Variants in SBF2 observed in about 807,000 individuals in gnomAD.
SBF2 encodes the protein myotubularin-related protein 13.
A neutral mutation model predicts 225.2 loss-of-function variants in SBF2; 112 were observed. The observed-to-expected ratio is 0.50, with a 90% CI of 0.43 to 0.58. SBF2 has a LOEUF of 0.58. Ranked by LOEUF, SBF2 falls within the 20% of genes least tolerant of loss-of-function variation. The probability of loss-of-function intolerance (pLI) is 0.00; values close to 1 mark genes in which losing one functional copy is unlikely to be tolerated. For synonymous variants in SBF2, 763 were observed against 773.3 expected (o/e 0.99, Z 0.22); for missense variants, 1,996 against 2,206.2 (o/e 0.90, Z 1.91).
intron 29 of SBF2, among the ~76,000 whole-genome samples, chr11:9,815,281 TAA>T (rs35464212): frequency 0.29 from 12,490 of 42,738 alleles, 959 homozygotes; most frequent in Non-Finnish European, 0.35. Context: ...CTACTAAAAC[TAA>T]AAAAAAAAAA....
intron 1 of SBF2, among the ~76,000 whole-genome samples, chr11:10,300,297 G>A (rs547558274): frequency 2.1e-4 from 32 of 152,098 alleles, no homozygotes; most frequent in African/African-American, 7.5e-4. Context: ...CACAGTGCTG[G>A]GTATATAATA....
chr11:9,794,676 CAA>C (rs575749593), intron 33 of SBF2, among the ~76,000 whole-genome samples: 3 of 35,350 alleles, frequency 8.5e-5, no homozygotes, highest in African/African-American at 3.2e-4. Flanking sequence ...GACTCCGTCT[CAA>C]AAAAAAAAAA....
chr11:10,197,174 A>AT (rs1957406136), intron 1 of SBF2, among the ~76,000 whole-genome samples: 1 of 152,088 alleles, frequency 6.6e-6, no homozygotes, highest in Non-Finnish European at 1.5e-5. Context: ...ATTGGTGTGT[A>AT]TCCCTTATAA....
In SBF2 at chr11:9,989,575, C is replaced by G; in HGVS notation, c.1317G>C (p.Glu439Asp). Reference protein sequence around the residue: ...LFDELVAFEVERIKVEENNPV... With the variant: ...LFDELVAFEVDRIKVEENNPV... ...GGTTATTTTCTTCAACTTTAATTCT[C>G]TCTACTTCAAAGGCTACCAACTAGG... is the stretch of plus-strand genomic sequence containing the variant. Residue 439 changes from glutamate to aspartate, a missense_variant, in exon 13 of 40, where the codon GAG (glutamate) becomes GAC (aspartate). Physicochemically the swap from Glu to Asp is conservative, Grantham distance 45 (BLOSUM62 2). Transcript: ENST00000256190. 6.2e-7 allele frequency: 1 copy of G among 1,605,922 alleles called. No homozygotes were observed. Among genetic ancestry groups the G allele is most frequent in the South Asian group, 1.1e-5 (1 of 90,462 alleles).
chr11:9,956,887 T>A (rs946690460), intron 16 of SBF2: 1 of 152,220 alleles, frequency 6.6e-6, no homozygotes, highest in African/African-American at 2.4e-5. Flanking sequence ...AAATTTCAAG[T>A]GTTTTGACTC....
intron 17 of SBF2, among the ~76,000 whole-genome samples, chr11:9,879,497 C>T (rs1859556856): frequency 6.6e-6 from 1 of 152,136 alleles, no homozygotes; most frequent in South Asian, 2.1e-4. Context: ...GTGGAGGATG[C>T]TGACATGCAT....
chr11:10,140,913 T>C (rs908013213), intron 2 of SBF2, among the ~76,000 whole-genome samples: 3 of 152,108 alleles, frequency 2.0e-5, no homozygotes, highest in African/African-American at 4.8e-5. Context: ...ATTTTAAGTA[T>C]AGGAAAACAG....
chr11:9,862,088 T>C (rs1857799234), intron 17 of SBF2, among the ~76,000 whole-genome samples: 1 of 152,216 alleles, frequency 6.6e-6, no homozygotes, highest in Admixed American at 6.5e-5. Context: ...GCAGTAGTCT[T>C]AGTAAACAGA....
At chr11:9,967,911 A>ATCTGTCTGTCTG (rs1201842155) in intron 14 of SBF2, among the ~76,000 whole-genome samples, 7 of 139,754 alleles carry the variant, frequency 5.0e-5, no homozygotes, top group South Asian at 2.3e-4. Context: ...GTGAAACTCA[A>ATCTGTCTGTCTG]TCTGTCTGTC....
chr11:10,204,556 G>A lies in SBF2; in HGVS notation c.56-10569C>T, dbSNP rs187593264. ...CAGGAGGCTGAGGCAGGAGAATGGCGTGGAGGCAGGAGAATGGCGTGAACC... is the reference window on the plus strand; with the variant it reads ...CAGGAGGCTGAGGCAGGAGAATGGCATGGAGGCAGGAGAATGGCGTGAACC... On this transcript the variant is annotated intron_variant, in intron 1 of 39. Transcript: ENST00000256190. 2.9e-3 allele frequency among the ~76,000 whole-genome samples: 234 copies of A among 81,734 alleles called. 3 individuals are homozygous for A. Among genetic ancestry groups the A allele is most frequent in the African/African-American group, 0.01 (215 of 20,602 alleles). The allele number at this position is 81,734 out of a possible 152,430, so 53.6% of individuals were successfully genotyped here.
At chr11:10,218,595 G>A (rs1276374608) in intron 1 of SBF2, among the ~76,000 whole-genome samples, 3 of 151,996 alleles carry the variant, frequency 2.0e-5, no homozygotes, top group East Asian at 3.9e-4. Context: ...TTCCACCTAC[G>A]AGCCTGTAAA....
At chr11:10,073,652 G>A (rs553253367) in intron 2 of SBF2, among the ~76,000 whole-genome samples, 2 of 152,186 alleles carry the variant, frequency 1.3e-5, no homozygotes, top group African/African-American at 2.4e-5. Context: ...GGGAGGCAGA[G>A]GTTGCAGTGA....
chr11:10,173,506 T>A (rs901994957), intron 2 of SBF2, among the ~76,000 whole-genome samples: 63 of 152,012 alleles, frequency 4.1e-4, no homozygotes, highest in Non-Finnish European at 7.8e-4. Context: ...GCTGGGAGGG[T>A]CCTACGCCCA....
intron 16 of SBF2, chr11:9,958,862 T>C: frequency 1.5e-6 from 1 of 658,646 alleles, no homozygotes; most frequent in Non-Finnish European, 2.9e-6. Flanking sequence ...ACCCTTCTTC[T>C]CCTGGCCAAC....
intron 17 of SBF2, among the ~76,000 whole-genome samples, chr11:9,880,824 T>A (rs1194233351): frequency 6.6e-6 from 1 of 152,240 alleles, no homozygotes; most frequent in Admixed American, 6.5e-5. Flanking sequence ...GGATTGCAGC[T>A]ATCCTAGAAG....
chr11:10,108,515 CTTTTTT>C lies in SBF2; in HGVS notation c.142-65540_142-65535del, dbSNP rs34189666. Among the ~76,000 whole-genome samples, 97 of 83,456 alleles carry C rather than the reference CTTTTTT, an allele frequency of 1.2e-3. 1 individual carries two copies. Among genetic ancestry groups the C allele is most frequent in the African/African-American group, 4.4e-3 (91 of 20,822 alleles). 54.8% of individuals were successfully genotyped at this position (83,456 alleles called of 152,430 possible). A position where few individuals can be genotyped will look rare whatever the true frequency, so the allele number is the denominator to read the frequency against. On this transcript the variant is annotated intron_variant, in intron 2 of 39. Transcript: ENST00000256190. ...TGCAAAAACAAACAGTAATAGTTAA[CTTTTTT>C]TTTTTTTTTTTTTTTTTTTTTGAGA...
At chr11:10,211,258 T>G (rs1161456635) in intron 1 of SBF2, among the ~76,000 whole-genome samples, 1 of 152,100 alleles carries the variant, frequency 6.6e-6, no homozygotes, top group Non-Finnish European at 1.5e-5. Flanking sequence ...ACTGTGATTC[T>G]CCTGTCAGAG....
In SBF2 at chr11:10,002,545, T is replaced by C. The variant is rs915880421; in HGVS notation, c.752+12A>G. ...TTTAGGAATAAATAAAATTAACAAA[T>C]GAAAACCTCACCTATATTTAAGAGG... is the stretch of plus-strand genomic sequence containing the variant. On this transcript the variant is annotated intron_variant, in intron 7 of 39. Coordinates refer to ENST00000256190, the MANE Select transcript of SBF2 (RefSeq NM_030962.4). 1 of 1,601,776 alleles carries C rather than the reference T, an allele frequency of 6.2e-7. No homozygotes were observed. The highest frequency in any genetic ancestry group is 1.3e-5 in the African/African-American group (1 of 74,688).
intron 16 of SBF2, among the ~76,000 whole-genome samples, chr11:9,916,829 C>T (rs1863137803): frequency 6.6e-6 from 1 of 152,110 alleles, no homozygotes. Context: ...AAGTGATCCT[C>T]TTGCCTCAGC....
Sources: allele counts gnomAD v4.1 joint callset (sites outside exome capture counted in the v4.1 genomes callset), GRCh38; gene constraint gnomAD v4.1.1; transcripts MANE v1.5; gene names NCBI Gene and HGNC (gene_info 2026-07-23, HGNC 2026-07-21).